The following PCDHGA3 variants were observed in gnomAD, a reference collection of about 807,000 sequenced individuals.
The protein encoded by PCDHGA3 is protocadherin gamma subfamily A, 3.
Under a neutral mutation model 58.5 loss-of-function variants are expected in PCDHGA3, and 40 were observed. The observed-to-expected ratio is 0.68, with a 90% confidence interval of 0.53 to 0.89. The LOEUF is 0.89. PCDHGA3 is among the 40% of genes least tolerant of loss of function. The probability of loss-of-function intolerance (pLI) is 0.00; values close to 1 mark genes in which losing one functional copy is unlikely to be tolerated. For synonymous variants in PCDHGA3, 530 were observed against 525.7 expected, an observed-to-expected ratio of 1.01 and a Z score of -0.11; for missense variants, 1,223 against 1,195.9, an observed-to-expected ratio of 1.02 and a Z score of -0.33.
At chr5:141,351,916 T>G (rs372459324) in intron 1 of PCDHGA3, 3 of 1,613,380 alleles carry the variant, frequency 1.9e-6, no homozygotes, top group Non-Finnish European at 2.5e-6. Flanking sequence ...GCGACCTCAA[T>G]GACAATGCGC....
Position 141,485,548 on chromosome 5 carries a change from T to C in PCDHGA3, c.2425-9259T>C, listed in dbSNP as rs749739126. ...ACCGAGCAGAGGTAGAGATCGTAGA[T>C]GTGAATGATCACGCCCCCCGTTTTC... On this transcript the variant is annotated intron_variant, in intron 1 of 3. Transcript: ENST00000253812. This position sits in a 1 kb window ranked among gnomAD's most constrained non-coding sequence, Gnocchi z 5.7. The C allele has an allele frequency of 3.1e-6, 5 of 1,614,040 alleles. No homozygotes were observed. The highest frequency in any genetic ancestry group is 3.4e-6 in the Non-Finnish European group (4 of 1,179,942).
At chr5:141,353,218 G>A (rs1759220023) in intron 1 of PCDHGA3, among the ~76,000 whole-genome samples, 1 of 152,116 alleles carries the variant, frequency 6.6e-6, no homozygotes, top group African/African-American at 2.4e-5. Flanking sequence ...TTTCCTAGAT[G>A]TTAACACTTA....
chr5:141,506,688 T>G (rs114532236), intron 3 of PCDHGA3, among the ~76,000 whole-genome samples: 2,113 of 152,334 alleles, frequency 0.014, 37 homozygotes, highest in African/African-American at 0.048. Flanking sequence ...TTATCTTTGC[T>G]GACCCAAACC....
rs2092149511 is a variant in PCDHGA3 at position 141,390,449 on chromosome 5, G to A, written c.2424+43992G>A. The A allele has an allele frequency of 4.8e-6, 4 of 829,790 alleles. No individual in the cohort carries two copies. In the Admixed American group the frequency reaches 8.7e-5, roughly 18 times the overall value. 51.4% of individuals were successfully genotyped at this position (829,790 alleles called of 1,614,324 possible). ...TGTCATATCATTCTACAAAGGAGGAGTAAAGTAGGAGCAATTGTGTGGCCC... is the reference window on the plus strand; with the variant it reads ...TGTCATATCATTCTACAAAGGAGGAATAAAGTAGGAGCAATTGTGTGGCCC... On this transcript the variant is annotated intron_variant, in intron 1 of 3. Coordinates refer to ENST00000253812, the MANE Select transcript of PCDHGA3 (RefSeq NM_018916.4).
At chr5:141,389,394 T>C (rs753490190) in intron 1 of PCDHGA3, 2 of 1,613,672 alleles carry the variant, frequency 1.2e-6, no homozygotes, top group South Asian at 2.2e-5. Flanking sequence ...ATCCTACGTG[T>C]CCATAAGCGC....
chr5:141,414,067 C>G (rs998058224), intron 1 of PCDHGA3: 1 of 1,607,570 alleles, frequency 6.2e-7, no homozygotes, highest in Non-Finnish European at 8.5e-7. Flanking sequence ...GAAGTTCCAA[C>G]TAAACAAATA....
chr5:141,346,552 G>T (rs1464765886), intron 1 of PCDHGA3, 95 bp downstream of exon 1: 1 of 1,518,562 alleles, frequency 6.6e-7, no homozygotes, highest in Non-Finnish European at 8.9e-7. Context: ...ATAAAGCCAT[G>T]AGGTTGTCAT....
chr5:141,400,789 C>G (rs1415192979), intron 1 of PCDHGA3: 1 of 561,844 alleles, frequency 1.8e-6, no homozygotes, highest in Non-Finnish European at 3.1e-6. Context: ...TTTTTGTCCT[C>G]TTTCTCAAAG....
rs1381450357 is a variant in PCDHGA3, at chr5:141,346,448, C to T, written c.2415C>T (p.Asn805=). ...QDLLEMKGDS[N]LLQQAPPNTD... ...TACTTGAAATGAAAGGAGATTCCAA[C>T]CTACTTCAGGTGAGTTTATTTATTT... The change falls in exon 1 of 4, where the codon AAC becomes AAT. Residue 805 remains asparagine (N), a synonymous_variant. Coordinates refer to ENST00000253812, the MANE Select transcript of PCDHGA3 (RefSeq NM_018916.4). The T allele has an allele frequency of 6.2e-7, 1 of 1,614,228 alleles. No homozygotes were observed. The highest frequency in any genetic ancestry group is 2.2e-5 in the East Asian group (1 of 44,888).
At chr5:141,398,905 A>C in intron 1 of PCDHGA3, 1 of 1,613,984 alleles carries the variant, frequency 6.2e-7, no homozygotes, top group Non-Finnish European at 8.5e-7. Context: ...ACCAGGCACC[A>C]CTGTGTTGCA....
In PCDHGA3 at chr5:141,343,990, G is replaced by A; in HGVS notation, c.-44G>A. The A allele has an allele frequency of 6.8e-7, 1 of 1,474,122 alleles. No individual in the cohort carries two copies. 91.3% of individuals were successfully genotyped at this position (1,474,122 alleles called of 1,614,324 possible). On this transcript the variant is annotated 5_prime_UTR_variant, in exon 1 of 4. Transcript: ENST00000253812. ...AAAATAAGATTGGAGTCCGTCGTAG[G>A]AAACTGGAACCGAATTCAGAGAAAG...
rs10076145 is a variant in PCDHGA3 at position 141,353,622 on chromosome 5, T to C, written c.2424+7165T>C. On this transcript the variant is annotated intron_variant, in intron 1 of 3. Coordinates refer to ENST00000253812, the MANE Select transcript of PCDHGA3 (RefSeq NM_018916.4). ...CTTAACCATTCCTAAATTATTTGTT[T>C]TTATGCTCTTTCTATTTTGTCTCTA... 4.3e-3 allele frequency among the ~76,000 whole-genome samples: 653 copies of C among 152,362 alleles called. 8 individuals carry two copies. Among genetic ancestry groups the C allele is most frequent in the African/African-American group, 0.015 (619 of 41,588 alleles).
chr5:141,360,642 A>T (rs1268181436), intron 1 of PCDHGA3: 2 of 1,613,916 alleles, frequency 1.2e-6, no homozygotes, highest in Admixed American at 3.3e-5. Context: ...CACTACAAAG[A>T]TACCACCTTA....
intron 1 of PCDHGA3, chr5:141,423,473 C>A: frequency 6.2e-7 from 1 of 1,614,010 alleles, no homozygotes; most frequent in Non-Finnish European, 8.5e-7. Flanking sequence ...GGGGTACAGG[C>A]TTTCCTGCAA....
intron 1 of PCDHGA3, chr5:141,361,620 C>T (rs1265757132): frequency 1.2e-6 from 2 of 1,613,974 alleles, no homozygotes; most frequent in East Asian, 4.5e-5. Context: ...TAGCGAGCGA[C>T]CTGAAGCCGC....
chr5:141,372,272 G>A (rs1220492258), intron 1 of PCDHGA3: 1 of 1,613,124 alleles, frequency 6.2e-7, no homozygotes, highest in South Asian at 1.1e-5. Flanking sequence ...CGGGTGAGGT[G>A]CGCACGGCGC....
chr5:141,482,923 AT>A (rs1193255251), intron 1 of PCDHGA3, among the ~76,000 whole-genome samples: 10 of 152,074 alleles, frequency 6.6e-5, no homozygotes, highest in Non-Finnish European at 1.5e-4. Context: ...AATACAAAAA[AT>A]TAGCCAGGTG....
intron 1 of PCDHGA3, chr5:141,413,694 C>G (rs2095667651): frequency 1.2e-6 from 2 of 1,613,800 alleles, no homozygotes; most frequent in East Asian, 4.5e-5. Context: ...CCCTGCAGAG[C>G]TATCAGCTCA....
At chr5:141,509,650 T>C (rs1484029268) in intron 3 of PCDHGA3, among the ~76,000 whole-genome samples, 1 of 152,188 alleles carries the variant, frequency 6.6e-6, no homozygotes, top group African/African-American at 2.4e-5. Context: ...GGCCAGAGTG[T>C]GGACTTCTCT....
Sources: gnomAD v4.1 joint callset for allele counts (sites outside exome capture counted in the v4.1 genomes callset) on GRCh38, gnomAD v4.1.1 for gene constraint, Gnocchi (gnomAD v3.1) non-coding constraint, MANE v1.5 for transcripts, NCBI Gene and HGNC (gene_info 2026-07-23, HGNC 2026-07-21) for gene names.